The following ZC4H2 variants were observed in gnomAD, a reference collection of about 807,000 sequenced individuals.
ZC4H2 encodes zinc finger C4H2 domain-containing protein.
For missense variants in ZC4H2, 137 were observed against 173.9 expected (o/e 0.79, Z 1.19); for synonymous variants, 84 against 66.3 (o/e 1.27, Z -1.30).
chrX:65,026,922 G>C (rs1396160060), intron 1 of ZC4H2, among the ~76,000 whole-genome samples: 3 of 111,852 alleles, frequency 2.7e-5, no homozygotes, highest in Non-Finnish European at 3.8e-5. Flanking sequence ...CCATATGGTA[G>C]AAAAGTTGCT....
chrX:64,941,717 C>T (rs1004167838), intron 1 of ZC4H2, among the ~76,000 whole-genome samples: 19 of 112,241 alleles, frequency 1.7e-4, no homozygotes, highest in Non-Finnish European at 2.6e-4. Context: ...ATATGTTGAA[C>T]TAGCCTTGCA....
intron 1 of ZC4H2, among the ~76,000 whole-genome samples, chrX:65,020,869 G>A (rs1253800767): frequency 9.0e-6 from 1 of 111,514 alleles, no homozygotes; most frequent in Non-Finnish European, 1.9e-5. Context: ...CAAAAATAAA[G>A]CAGGGGTTGC....
At chrX:64,931,398 G>C (rs986625267) in intron 1 of ZC4H2, among the ~76,000 whole-genome samples, 1 of 111,040 alleles carries the variant, frequency 9.0e-6, no homozygotes, top group African/African-American at 3.3e-5. Flanking sequence ...CTGGGTTTGA[G>C]TTTAGTTTGT....
chrX:65,000,755 G>C (rs918642949), intron 1 of ZC4H2, among the ~76,000 whole-genome samples: 1 of 112,229 alleles, frequency 8.9e-6, no homozygotes, highest in African/African-American at 3.2e-5. Context: ...ACCTGATGGA[G>C]ATGAAAAACA....
chrX:64,929,852 G>A (rs1929662114), intron 1 of ZC4H2, among the ~76,000 whole-genome samples: 1 of 111,233 alleles, frequency 9.0e-6, no homozygotes, highest in Non-Finnish European at 1.9e-5. Flanking sequence ...AGCCATGTGG[G>A]CTCTCTTTTG....
Position 64,954,324 on chromosome X carries a change from A to ATATATATATATAAT in ZC4H2, c.53+22000_53+22001insATTATATATATATA, listed in dbSNP as rs1569215017. On this transcript the variant is annotated intron_variant, in intron 1 of 4. Coordinates refer to ENST00000374839, the MANE Select transcript of ZC4H2 (RefSeq NM_018684.4). The stretch of plus-strand genomic sequence containing the variant: ...CCTAAAACTTAAAGTATAATTATAT[A>ATATATATATATAAT]TATATATATATATAATTATATATAT... 2.3e-4 allele frequency among the ~76,000 whole-genome samples: 17 copies of ATATATATATATAAT among 75,351 alleles called. 1 individual carries two copies. The highest frequency in any genetic ancestry group is 1.2e-3 in the African/African-American group (16 of 12,974). The allele number at this position is 75,351 out of a possible 115,157, so 65.4% of individuals were successfully genotyped here. A position where few individuals can be genotyped will look rare whatever the true frequency, so the allele number is the denominator to read the frequency against.
At chrX:64,946,896 T>G (rs1930561591) in intron 1 of ZC4H2, among the ~76,000 whole-genome samples, 1 of 111,868 alleles carries the variant, frequency 8.9e-6, no homozygotes, top group African/African-American at 3.2e-5. Context: ...TTCATCTTAT[T>G]TTTCTCTTCT....
In ZC4H2 at chrX:64,954,070, G is replaced by A. The variant is rs751718018; in HGVS notation, c.53+22255C>T. On this transcript the variant is annotated intron_variant, in intron 1 of 4. Coordinates refer to ENST00000374839, the MANE Select transcript of ZC4H2 (RefSeq NM_018684.4). ...ATTCTCAGCAAACTATCGCAAGGAC[G>A]AAAAACCAAACACTGCATGTTCTCA... Among the ~76,000 whole-genome samples the A allele has an allele frequency of 1.7e-4, 18 of 106,019 alleles. 1 individual carries two copies. The South Asian group carries it at 5.4e-3, about 32-fold the overall frequency. The allele number at this position is 106,019 out of a possible 115,157, so 92.1% of individuals were successfully genotyped here.
chrX:64,951,149 T>C (rs1339691921), intron 1 of ZC4H2, among the ~76,000 whole-genome samples: 1 of 112,477 alleles, frequency 8.9e-6, no homozygotes, highest in Non-Finnish European at 1.9e-5. Context: ...TCATTTTTTA[T>C]GGCTGCATAG....
intron 1 of ZC4H2, among the ~76,000 whole-genome samples, chrX:64,939,286 A>C (rs1227807255): frequency 1.8e-5 from 2 of 111,732 alleles, no homozygotes; most frequent in Non-Finnish European, 3.8e-5. Flanking sequence ...AGGAAATAAG[A>C]GAGGACACAA....
chrX:65,023,790 T>A (rs780045062), intron 1 of ZC4H2, among the ~76,000 whole-genome samples: 4 of 111,477 alleles, frequency 3.6e-5, no homozygotes, highest in Non-Finnish European at 5.7e-5. Context: ...CATTCTACTA[T>A]AAAGACACGT....
chrX:64,960,953 T>C (rs1931364884), intron 1 of ZC4H2, among the ~76,000 whole-genome samples: 1 of 111,681 alleles, frequency 9.0e-6, no homozygotes, highest in Non-Finnish European at 1.9e-5. Flanking sequence ...GTTTTATATG[T>C]CTGTAAGGTC....
At chrX:64,945,557 G>A (rs1378639603) in intron 1 of ZC4H2, among the ~76,000 whole-genome samples, 2 of 111,743 alleles carry the variant, frequency 1.8e-5, no homozygotes, top group African/African-American at 3.3e-5. Flanking sequence ...AGGCATAGGC[G>A]TCAGGGACCC....
chrX:65,026,525 C>T (rs1432275299), intron 1 of ZC4H2, among the ~76,000 whole-genome samples: 2 of 110,332 alleles, frequency 1.8e-5, no homozygotes, highest in Admixed American at 9.6e-5. Flanking sequence ...CTGGCTAACA[C>T]GGTGAAACCC....
chrX:65,019,533 T>C (rs1932821068), intron 1 of ZC4H2, among the ~76,000 whole-genome samples: 1 of 110,844 alleles, frequency 9.0e-6, no homozygotes, highest in Non-Finnish European at 1.9e-5. Flanking sequence ...AATCCAAAGG[T>C]CAACAACATC....
chrX:64,917,638 C>T lies in ZC4H2; in HGVS notation c.*145G>A, dbSNP rs749836570. On this transcript the variant is annotated 3_prime_UTR_variant, in exon 5 of 5. Coordinates refer to ENST00000374839, the MANE Select transcript of ZC4H2 (RefSeq NM_018684.4). ...TCCCAAGAGCAGAAAGAAATAGGAG[C>T]AAAGTGAGAGAGGGGTTGTGCTTCC... 287 of 876,873 alleles carry T rather than the reference C, an allele frequency of 3.3e-4. No individual in the cohort carries two copies. Among genetic ancestry groups the T allele is most frequent in the Admixed American group, 5.5e-4 (16 of 28,949 alleles). The allele number at this position is 876,873 out of a possible 1,213,427, so 72.3% of individuals were successfully genotyped here.
intron 1 of ZC4H2, among the ~76,000 whole-genome samples, chrX:65,029,758 T>C (rs1464215107): frequency 1.8e-5 from 2 of 111,249 alleles, no homozygotes; most frequent in Non-Finnish European, 3.8e-5. Context: ...AAAATTCCTG[T>C]AACCTGCAAT....
intron 2 of ZC4H2, among the ~76,000 whole-genome samples, chrX:64,920,936 G>A (rs766848194): frequency 1.2e-4 from 13 of 112,417 alleles, no homozygotes; most frequent in African/African-American, 3.9e-4. Context: ...TAGCCCTTCT[G>A]GCAAATATCT....
chrX:64,951,624 C>T (rs757892818), intron 1 of ZC4H2, among the ~76,000 whole-genome samples: 2 of 111,910 alleles, frequency 1.8e-5, no homozygotes, highest in Admixed American at 9.4e-5. Flanking sequence ...TGTTCATGTC[C>T]TTCGCCCATT....
Sources: gnomAD v4.1 joint callset for allele counts (sites outside exome capture counted in the v4.1 genomes callset) on GRCh38, gnomAD v4.1.1 for gene constraint, MANE v1.5 for transcripts, NCBI Gene and HGNC (gene_info 2026-07-23, HGNC 2026-07-21) for gene names.